Variants in USP7 observed in about 807,000 individuals in gnomAD.
USP7 encodes the protein ubiquitin specific peptidase 7.
Under a neutral mutation model 162.9 loss-of-function variants are expected in USP7, and 9 were observed. That is an observed-to-expected ratio of 0.06 (90% confidence interval 0.03 to 0.10). USP7 has a LOEUF of 0.10. Ranked by LOEUF, USP7 falls within the 10% of genes least tolerant of loss-of-function variation. The pLI is 1.00. For missense variants in USP7, 715 were observed against 1,373.7 expected, an observed-to-expected ratio of 0.52 and a Z score of 7.58; for synonymous variants, 562 against 475.9, an observed-to-expected ratio of 1.18 and a Z score of -2.35.
intron 1 of USP7, among the ~76,000 whole-genome samples, chr16:8,951,797 A>C (rs1413877629): frequency 6.6e-6 from 1 of 152,268 alleles, no homozygotes; most frequent in Non-Finnish European, 1.5e-5. Context: ...CATTCAGCTC[A>C]GGATCTCATT....
chr16:8,925,691 T>A (rs1464436670), intron 2 of USP7, among the ~76,000 whole-genome samples: 1 of 152,168 alleles, frequency 6.6e-6, no homozygotes, highest in Middle Eastern at 3.2e-3. Context: ...TGACACACAG[T>A]GGTTAGTTCA....
chr16:8,906,653 A>T (rs977839994), intron 12 of USP7, 71 bp from the exon 13 acceptor site: 3 of 1,474,294 alleles, frequency 2.0e-6, no homozygotes, highest in Non-Finnish European at 2.7e-6. Context: ...ACAGTAAGTA[A>T]GGCCATTTAA....
chr16:8,909,497 T>C (rs1312583462), intron 11 of USP7, among the ~76,000 whole-genome samples: 1 of 152,212 alleles, frequency 6.6e-6, no homozygotes, highest in African/African-American at 2.4e-5. Context: ...ATAAAAGGAT[T>C]CTGTCTCCAC....
At chr16:8,929,009 G>A (rs908671041) in intron 2 of USP7, among the ~76,000 whole-genome samples, 5 of 77,038 alleles carry the variant, frequency 6.5e-5, no homozygotes, top group East Asian at 8.3e-4. Context: ...AAGAAGCTCC[G>A]CCCTATATCT....
At chr16:8,907,471 G>A (rs1362300056) in intron 12 of USP7, among the ~76,000 whole-genome samples, 2 of 152,202 alleles carry the variant, frequency 1.3e-5, no homozygotes, top group African/African-American at 2.4e-5. Context: ...CAAAGCTGGT[G>A]CTCAAACTAA....
intron 3 of USP7, 128 bp downstream of exon 3, chr16:8,923,087 G>T: frequency 1.6e-6 from 1 of 623,464 alleles, no homozygotes; most frequent in Non-Finnish European, 2.7e-6. Flanking sequence ...ATACCAGTGG[G>T]TTTTAAAGAG....
intron 1 of USP7, among the ~76,000 whole-genome samples, chr16:8,937,212 T>A (rs908318949): frequency 1.3e-5 from 2 of 149,792 alleles, no homozygotes; most frequent in African/African-American, 4.9e-5. Context: ...CTGTCTTTTT[T>A]TAAAAAAAAA....
chr16:8,899,833 TTA>T, intron 21 of USP7, 76 bp from the exon 22 acceptor site: 30 of 1,530,138 alleles, frequency 2.0e-5, no homozygotes, highest in Non-Finnish European at 2.6e-5. Flanking sequence ...GCATCATCTT[TTA>T]CACAACAGTG....
chr16:8,906,665 G>A (rs1434087067), intron 12 of USP7, 83 bp from the exon 13 acceptor site: 4 of 1,372,602 alleles, frequency 2.9e-6, no homozygotes, highest in Non-Finnish European at 3.9e-6. Flanking sequence ...GCCATTTAAT[G>A]TACTGGCTCA....
At chr16:8,895,547 A>T (rs2061668047) in intron 27 of USP7, 95 bp downstream of exon 27, 1 of 1,076,974 alleles carries the variant, frequency 9.3e-7, no homozygotes, top group South Asian at 1.3e-5. Flanking sequence ...AAAAACACAA[A>T]TCAAGCTACT....
chr16:8,918,878 C>G (rs1039917726), intron 6 of USP7, among the ~76,000 whole-genome samples, 153 bp downstream of exon 6: 3 of 152,164 alleles, frequency 2.0e-5, no homozygotes, highest in Non-Finnish European at 4.4e-5. Context: ...TGTCCCAGCA[C>G]TGGGGAATGA....
chr16:8,895,546 A>T (rs1677473), intron 27 of USP7, 96 bp downstream of exon 27: 1 of 1,082,874 alleles, frequency 9.2e-7, no homozygotes, highest in South Asian at 1.3e-5. Flanking sequence ...TAAAAACACA[A>T]ATCAAGCTAC....
At position 8,918,939 on chromosome 16, in the gene USP7, A is replaced by G; in HGVS notation, c.720+92T>C. ...CTGAGGAGACAGGGCCAGGGGAGGG[A>G]GACGCCATGTTTGTTGAGAGGACTT... On this transcript the variant is annotated intron_variant, in intron 6 of 30. Transcript: ENST00000344836. 4 of 1,253,722 alleles carry G rather than the reference A, an allele frequency of 3.2e-6. No individual in the cohort carries two copies. In the East Asian group the frequency reaches 9.3e-5, roughly 29 times the overall value. The allele number at this position is 1,253,722 out of a possible 1,614,324, so 77.7% of individuals were successfully genotyped here. A position where few individuals can be genotyped will look rare whatever the true frequency, so the allele number is the denominator to read the frequency against.
At chr16:8,926,959 T>G (rs1473530907) in intron 2 of USP7, among the ~76,000 whole-genome samples, 1 of 152,174 alleles carries the variant, frequency 6.6e-6, no homozygotes, top group Non-Finnish European at 1.5e-5. Flanking sequence ...CTGTGCACTT[T>G]GTTACAGCAA....
At chr16:8,936,812 G>T in intron 1 of USP7, 1 of 1,198,530 alleles carries the variant, frequency 8.3e-7, no homozygotes, top group Non-Finnish European at 1.1e-6. Flanking sequence ...AGGAACAGAA[G>T]AGGATATTAA....
chr16:8,907,287 C>G (rs1473050989), intron 12 of USP7, among the ~76,000 whole-genome samples: 3 of 152,318 alleles, frequency 2.0e-5, no homozygotes, highest in South Asian at 2.1e-4. Flanking sequence ...AGAAACATAC[C>G]AACAGGTTGG....
chr16:8,923,847 C>T (rs866031889), intron 2 of USP7, among the ~76,000 whole-genome samples: 1 of 152,182 alleles, frequency 6.6e-6, no homozygotes, highest in African/African-American at 2.4e-5. Context: ...ACGGAACACA[C>T]AGGCAGGACT....
intron 1 of USP7, among the ~76,000 whole-genome samples, chr16:8,939,473 T>C (rs538569360): frequency 6.6e-6 from 1 of 152,340 alleles, no homozygotes; most frequent in Non-Finnish European, 1.5e-5. Flanking sequence ...AATTCACAAA[T>C]AAAGCTGCTA....
intron 2 of USP7, among the ~76,000 whole-genome samples, chr16:8,924,929 A>G (rs762026726): frequency 4.6e-5 from 7 of 152,200 alleles, no homozygotes; most frequent in Non-Finnish European, 8.8e-5. Flanking sequence ...TCTTGTCCAA[A>G]ATAATTATTT....
Sources: gnomAD v4.1 joint callset for allele counts (sites outside exome capture counted in the v4.1 genomes callset) on GRCh38, gnomAD v4.1.1 for gene constraint, MANE v1.5 for transcripts, NCBI Gene and HGNC (gene_info 2026-07-23, HGNC 2026-07-21) for gene names.